The following PAX5 variants were observed in gnomAD, a reference collection of about 807,000 sequenced individuals.
PAX5 encodes paired box protein Pax-5.
In PAX5, 9 loss-of-function variants were observed where a neutral mutation model predicts 43.7. The ratio of observed to expected loss-of-function variants is 0.21; its 90% CI spans 0.12 to 0.36. The LOEUF is 0.36. Among genes scored for constraint, PAX5 ranks in the 10% least tolerant of loss-of-function variants. The probability of loss-of-function intolerance (pLI) is 1.00; values close to 1 mark genes in which losing one functional copy is unlikely to be tolerated. For missense variants in PAX5, 383 were observed against 532.7 expected (o/e 0.72, Z 2.77); for synonymous variants, 228 against 214.3 (o/e 1.06, Z -0.56).
At chr9:37,033,488 T>A (rs988314902) in intron 1 of PAX5, among the ~76,000 whole-genome samples, 1 of 152,236 alleles carries the variant, frequency 6.6e-6, no homozygotes, top group Non-Finnish European at 1.5e-5. Flanking sequence ...CACTCAGATA[T>A]TTCCGAATTA....
At chr9:36,977,479 G>A (rs1835536602) in intron 5 of PAX5, among the ~76,000 whole-genome samples, 1 of 151,984 alleles carries the variant, frequency 6.6e-6, no homozygotes, top group East Asian at 1.9e-4. Context: ...CCCAAGAAAG[G>A]CCCCCTGTAG....
chr9:36,916,643 A>G (rs1829746737), intron 7 of PAX5, among the ~76,000 whole-genome samples: 1 of 152,026 alleles, frequency 6.6e-6, no homozygotes, highest in African/African-American at 2.4e-5. Flanking sequence ...AGATATATAT[A>G]TATATATTTA....
chr9:36,876,927 A>T (rs1825959839), intron 8 of PAX5, among the ~76,000 whole-genome samples: 1 of 152,220 alleles, frequency 6.6e-6, no homozygotes, highest in African/African-American at 2.4e-5. Flanking sequence ...AGTAAGGAAA[A>T]ACATGACATC....
At chr9:36,935,353 C>T (rs13293254) in intron 6 of PAX5, among the ~76,000 whole-genome samples, 35,727 of 151,698 alleles carry the variant, frequency 0.24, 4,974 homozygotes, top group Non-Finnish European at 0.33. Flanking sequence ...GCACTCCAGC[C>T]TGGGCAACAA....
At chr9:36,866,003 C>T (rs1226992442) in intron 8 of PAX5, among the ~76,000 whole-genome samples, 1 of 152,210 alleles carries the variant, frequency 6.6e-6, no homozygotes, top group Non-Finnish European at 1.5e-5. Flanking sequence ...GAACCACTGG[C>T]AGTCCTCCTG....
At chr9:36,916,859 A>G (rs1309623903) in intron 7 of PAX5, among the ~76,000 whole-genome samples, 1 of 151,956 alleles carries the variant, frequency 6.6e-6, no homozygotes, top group African/African-American at 2.4e-5. Context: ...TAATTTTTGT[A>G]TTTTTGGTAG....
At chr9:36,986,502 T>TC (rs1341370187) in intron 5 of PAX5, among the ~76,000 whole-genome samples, 1 of 152,026 alleles carries the variant, frequency 6.6e-6, no homozygotes. Context: ...GCGGCCTCCT[T>TC]CCCGGGGGCG....
chr9:36,871,534 T>C (rs1480851834), intron 8 of PAX5, among the ~76,000 whole-genome samples: 1 of 152,236 alleles, frequency 6.6e-6, no homozygotes, highest in East Asian at 1.9e-4. Flanking sequence ...CAGTTTCTTC[T>C]AAAGCAAATT....
At chr9:36,944,422 C>T (rs1832331171) in intron 6 of PAX5, among the ~76,000 whole-genome samples, 1 of 152,176 alleles carries the variant, frequency 6.6e-6, no homozygotes, top group African/African-American at 2.4e-5. Context: ...GGCACCCAGA[C>T]AGCCTGGCCC....
chr9:37,020,343 A>G (rs946135026), intron 2 of PAX5, among the ~76,000 whole-genome samples: 5 of 152,190 alleles, frequency 3.3e-5, no homozygotes, highest in Admixed American at 3.3e-4. Flanking sequence ...CCTAGGATAT[A>G]TAAGGGAAAT....
chr9:36,985,776 G>A (rs1836348205), intron 5 of PAX5, among the ~76,000 whole-genome samples: 2 of 152,206 alleles, frequency 1.3e-5, no homozygotes, highest in South Asian at 2.1e-4. Flanking sequence ...AACTTCCCAA[G>A]CCACAGCAGG....
chr9:36,938,327 A>T (rs185407930), intron 6 of PAX5, among the ~76,000 whole-genome samples: 35 of 152,322 alleles, frequency 2.3e-4, no homozygotes, highest in Admixed American at 2.1e-3. Flanking sequence ...TTGAGGCTAG[A>T]CATGTAAACA....
At chr9:37,026,697 C>T in intron 1 of PAX5, 1 of 1,300,746 alleles carries the variant, frequency 7.7e-7, no homozygotes. Flanking sequence ...TCAGAAAACA[C>T]TGCTGGAGCT....
chr9:36,906,826 A>T lies in PAX5; in HGVS notation c.910+16529T>A, dbSNP rs573053849. On this transcript the variant is annotated intron_variant, in intron 7 of 9. Transcript: ENST00000358127. ...CAGGGCTTTTAGTGCTTTGCAAGTTATCCACTCACTTCATCTACATAGTGA... is the reference window on the plus strand; with the variant it reads ...CAGGGCTTTTAGTGCTTTGCAAGTTTTCCACTCACTTCATCTACATAGTGA... Among the ~76,000 whole-genome samples, 485 of 152,220 alleles carry T rather than the reference A, an allele frequency of 3.2e-3. 5 individuals carry two copies. Among genetic ancestry groups the T allele is most frequent in the African/African-American group, 0.011 (474 of 41,492 alleles).
chr9:36,952,153 C>G (rs1349355550), intron 6 of PAX5, among the ~76,000 whole-genome samples: 2 of 148,828 alleles, frequency 1.3e-5, no homozygotes, highest in African/African-American at 5.0e-5. Flanking sequence ...ATCCCATTCT[C>G]TCCTTTTGTA....
chr9:37,024,240 C>G (rs748220863), intron 1 of PAX5, among the ~76,000 whole-genome samples: 3 of 152,110 alleles, frequency 2.0e-5, no homozygotes, highest in Non-Finnish European at 4.4e-5. Flanking sequence ...AGGAGGTTAT[C>G]GTGCTGATGA....
chr9:36,986,780 C>T (rs940044077), intron 5 of PAX5, among the ~76,000 whole-genome samples: 6 of 152,174 alleles, frequency 3.9e-5, no homozygotes, highest in Admixed American at 1.3e-4. Context: ...TGTATTCTCA[C>T]GGTGGCACCG....
chr9:36,979,908 C>A (rs1391682246), intron 5 of PAX5, among the ~76,000 whole-genome samples: 6 of 152,200 alleles, frequency 3.9e-5, no homozygotes, highest in Non-Finnish European at 7.3e-5. Context: ...GCCCAGAAGG[C>A]AATAAACTGT....
intron 6 of PAX5, among the ~76,000 whole-genome samples, chr9:36,940,771 T>C (rs7029230): frequency 0.73 from 110,690 of 151,962 alleles, 40,906 homozygotes; most frequent in East Asian, 0.8. Flanking sequence ...TCCAGGAGTC[T>C]AGAAGCTCCA....
Sources: gnomAD v4.1 joint callset for allele counts (sites outside exome capture counted in the v4.1 genomes callset) on GRCh38, gnomAD v4.1.1 for gene constraint, MANE v1.5 for transcripts, NCBI Gene and HGNC (gene_info 2026-07-23, HGNC 2026-07-21) for gene names.